HSDL2: variants seen among roughly 807,000 people sequenced by gnomAD.
HSDL2 encodes hydroxysteroid dehydrogenase like 2.
In HSDL2, 27 loss-of-function variants were observed where a neutral mutation model predicts 46.3. That is an observed-to-expected ratio of 0.58 (90% confidence interval 0.43 to 0.80). The LOEUF is 0.80. HSDL2 is among the 30% of genes least tolerant of loss of function. HSDL2 has a pLI of 0.00. For synonymous variants in HSDL2, 153 were observed against 163.6 expected, an observed-to-expected ratio of 0.94 and a Z score of 0.50; for missense variants, 451 against 502.7, an observed-to-expected ratio of 0.90 and a Z score of 0.98.
intron 6 of HSDL2, among the ~76,000 whole-genome samples, chr9:112,437,801 TA>T (rs1328103491): frequency 2.0e-5 from 3 of 152,240 alleles, no homozygotes; most frequent in East Asian, 1.9e-4. Flanking sequence ...TCTCTTCAGT[TA>T]TTCCTTAAAC....
intron 6 of HSDL2, among the ~76,000 whole-genome samples, chr9:112,424,441 A>C (rs909284623): frequency 1.3e-5 from 2 of 152,098 alleles, no homozygotes; most frequent in African/African-American, 4.8e-5. Flanking sequence ...TAATTTATCT[A>C]GAGTCTCCTG....
At chr9:112,403,684 A>G (rs986619461) in intron 1 of HSDL2, among the ~76,000 whole-genome samples, 12 of 151,556 alleles carry the variant, frequency 7.9e-5, no homozygotes, top group East Asian at 5.8e-4. Flanking sequence ...TTCTGTGGGG[A>G]AAAAAATGCA....
At chr9:112,452,477 T>A (rs1832910295) in intron 8 of HSDL2, among the ~76,000 whole-genome samples, 1 of 152,202 alleles carries the variant, frequency 6.6e-6, no homozygotes, top group South Asian at 2.1e-4. Flanking sequence ...CCGGGCACGG[T>A]GGCTCACGCC....
intron 6 of HSDL2, among the ~76,000 whole-genome samples, chr9:112,433,618 A>G (rs576011029): frequency 2.0e-5 from 3 of 152,326 alleles, no homozygotes; most frequent in African/African-American, 7.2e-5. Context: ...AAAGCTAGCT[A>G]GAATATTACA....
chr9:112,439,253 C>T (rs1226260618), intron 7 of HSDL2, among the ~76,000 whole-genome samples: 1 of 152,222 alleles, frequency 6.6e-6, no homozygotes, highest in South Asian at 2.1e-4. Context: ...CTGCCTTGGC[C>T]TCCTAAAGTG....
intron 10 of HSDL2, 39 bp from the exon 11 acceptor site, chr9:112,470,393 C>G: frequency 7.9e-7 from 1 of 1,264,264 alleles, no homozygotes; most frequent in Non-Finnish European, 1.2e-6. Flanking sequence ...CCTAAGGGCA[C>G]TAATGGTTGC....
chr9:112,464,641 TA>T (rs1305725387), intron 10 of HSDL2, among the ~76,000 whole-genome samples: 1 of 152,272 alleles, frequency 6.6e-6, no homozygotes, highest in African/African-American at 2.4e-5. Context: ...AGGAATATTT[TA>T]AATTAGTAAT....
At chr9:112,453,080 C>T (rs528049380) in intron 8 of HSDL2, among the ~76,000 whole-genome samples, 1 of 152,186 alleles carries the variant, frequency 6.6e-6, no homozygotes, top group South Asian at 2.1e-4. Context: ...GCAGGCTGTC[C>T]TCAGTTTTTT....
intron 3 of HSDL2, among the ~76,000 whole-genome samples, chr9:112,408,534 A>G (rs1831785518): frequency 6.6e-6 from 1 of 152,220 alleles, no homozygotes; most frequent in Admixed American, 6.5e-5. Flanking sequence ...TGATTTTATG[A>G]TCGTATGAAC....
At chr9:112,420,320 A>G (rs1306661560) in intron 6 of HSDL2, among the ~76,000 whole-genome samples, 1 of 152,016 alleles carries the variant, frequency 6.6e-6, no homozygotes, top group African/African-American at 2.4e-5. Flanking sequence ...TCTCAACAAC[A>G]GCAACAAAAT....
intron 1 of HSDL2, among the ~76,000 whole-genome samples, chr9:112,386,873 G>C (rs1831229400): frequency 6.6e-6 from 1 of 152,164 alleles, no homozygotes; most frequent in Admixed American, 6.5e-5. Context: ...CAAAATCCCA[G>C]ATATGGACTC....
rs922619031 is a variant in HSDL2, at chr9:112,393,386, G to A, written c.18-10609G>A. Among the ~76,000 whole-genome samples the A allele has an allele frequency of 2.6e-5, 4 of 152,320 alleles. No homozygotes were observed. The East Asian group carries it at 7.7e-4, about 29-fold the overall frequency. ...TGATACAGAAATCAGAAGTATTCCA[G>A]TCACACTGCACTTGCATGTGATATT... On this transcript the variant is annotated intron_variant, in intron 1 of 10. Transcript: ENST00000398805.
chr9:112,438,426 T>C lies in HSDL2; in HGVS notation c.599-5T>C, dbSNP rs1191068039. On this transcript the variant is annotated splice_polypyrimidine_tract_variant and splice_region_variant and intron_variant, in intron 6 of 10. Coordinates refer to ENST00000398805, the MANE Select transcript of HSDL2 (RefSeq NM_032303.5). ...AGTGTATGTGTGTGTGTGTTTTCTC[T>C]ACAGCCATACACACTGCTGCTATGG... 1.3e-6 allele frequency: 2 copies of C among 1,552,594 alleles called. No individual in the cohort carries two copies. Among genetic ancestry groups the C allele is most frequent in the African/African-American group, 1.4e-5 (1 of 72,336 alleles).
intron 6 of HSDL2, among the ~76,000 whole-genome samples, chr9:112,422,363 T>A (rs1391867045): frequency 6.6e-6 from 1 of 151,974 alleles, no homozygotes; most frequent in Non-Finnish European, 1.5e-5. Flanking sequence ...GAAATCAAAC[T>A]GTTAAAGAAA....
chr9:112,456,092 C>T (rs1833014658), intron 9 of HSDL2, among the ~76,000 whole-genome samples: 1 of 152,210 alleles, frequency 6.6e-6, no homozygotes, highest in African/African-American at 2.4e-5. Flanking sequence ...CCCTGGCCTT[C>T]TCAGGAATTT....
At chr9:112,433,530 T>C (rs1027896487) in intron 6 of HSDL2, among the ~76,000 whole-genome samples, 8 of 152,146 alleles carry the variant, frequency 5.3e-5, no homozygotes, top group African/African-American at 1.9e-4. Flanking sequence ...AGTAATATGG[T>C]TGCTGATGAG....
chr9:112,398,376 G>T (rs1459064959), intron 1 of HSDL2, among the ~76,000 whole-genome samples: 1 of 152,022 alleles, frequency 6.6e-6, no homozygotes, highest in African/African-American at 2.4e-5. Flanking sequence ...AGGCTGCAAA[G>T]GTTTGAAGAG....
chr9:112,413,907 A>C (rs958076892), intron 4 of HSDL2: 4 of 165,866 alleles, frequency 2.4e-5, no homozygotes, highest in African/African-American at 9.6e-5. Context: ...TCCGGTTTCC[A>C]TTGGCTGGAA....
At chr9:112,461,087 T>C (rs922357056) in intron 10 of HSDL2, among the ~76,000 whole-genome samples, 2 of 152,140 alleles carry the variant, frequency 1.3e-5, no homozygotes, top group African/African-American at 4.8e-5. Flanking sequence ...ATGAATTTTT[T>C]TTTTTTGAGA....
Sources: allele counts gnomAD v4.1 joint callset (sites outside exome capture counted in the v4.1 genomes callset), GRCh38; gene constraint gnomAD v4.1.1; transcripts MANE v1.5; gene names NCBI Gene and HGNC (gene_info 2026-07-23, HGNC 2026-07-21).